Variants in ATXN1 observed in about 807,000 individuals in gnomAD.
The protein encoded by ATXN1 is ataxin 1.
A neutral mutation model predicts 56.4 loss-of-function variants in ATXN1; 8 were observed. The observed-to-expected ratio is 0.14, with a 90% CI of 0.08 to 0.26. The LOEUF is 0.26. ATXN1 is among the 10% of genes least tolerant of loss of function. The probability of loss-of-function intolerance (pLI) is 1.00; values close to 1 mark genes in which losing one functional copy is unlikely to be tolerated. For synonymous variants in ATXN1, 514 were observed against 494.6 expected, an observed-to-expected ratio of 1.04 and a Z score of -0.52; for missense variants, 987 against 1,106.5, an observed-to-expected ratio of 0.89 and a Z score of 1.53.
chr6:16,349,075 C>T (rs775328282), intron 6 of ATXN1, among the ~76,000 whole-genome samples: 46 of 152,212 alleles, frequency 3.0e-4, no homozygotes, highest in Non-Finnish European at 5.4e-4. Context: ...TGAGTTCACA[C>T]ATAAGAAGAA....
At chr6:16,719,624 G>C (rs1243217813) in intron 2 of ATXN1, among the ~76,000 whole-genome samples, 1 of 152,150 alleles carries the variant, frequency 6.6e-6, no homozygotes, top group African/African-American at 2.4e-5. Flanking sequence ...CATGACAGCT[G>C]AGATAGGCTC....
At chr6:16,314,784 T>C (rs1231637617) in intron 7 of ATXN1, among the ~76,000 whole-genome samples, 2 of 151,994 alleles carry the variant, frequency 1.3e-5, no homozygotes, top group African/African-American at 4.8e-5. Context: ...CTAATTTTTG[T>C]ATGTTTAGTA....
intron 6 of ATXN1, among the ~76,000 whole-genome samples, chr6:16,354,361 G>A (rs543341382): frequency 5.9e-5 from 9 of 151,986 alleles, no homozygotes; most frequent in African/African-American, 2.2e-4. Flanking sequence ...GGGTTCAAGC[G>A]ATTCTCCTGC....
intron 3 of ATXN1, among the ~76,000 whole-genome samples, chr6:16,641,012 G>C (rs1487781868): frequency 6.6e-6 from 1 of 152,216 alleles, no homozygotes; most frequent in East Asian, 1.9e-4. Context: ...GGTCTGAATA[G>C]AAAAGCAAAC....
chr6:16,598,127 C>T (rs1209993931), intron 3 of ATXN1, among the ~76,000 whole-genome samples: 1 of 151,952 alleles, frequency 6.6e-6, no homozygotes, highest in Non-Finnish European at 1.5e-5. Flanking sequence ...ATAATTATTG[C>T]CTATAAATAT....
At chr6:16,517,956 C>G (rs1300083916) in intron 5 of ATXN1, among the ~76,000 whole-genome samples, 1 of 152,188 alleles carries the variant, frequency 6.6e-6, no homozygotes, top group African/African-American at 2.4e-5. Context: ...TTTATTCATT[C>G]AACAAATATT....
At position 16,703,713 on chromosome 6, in the gene ATXN1, T is replaced by G. The variant is rs534100410; in HGVS notation, c.-614-45812A>C. 5.9e-5 allele frequency among the ~76,000 whole-genome samples: 9 copies of G among 152,314 alleles called. No individual in the cohort carries two copies. The South Asian group carries it at 1.7e-3, about 28-fold the overall frequency. On this transcript the variant is annotated intron_variant, in intron 2 of 7. Transcript: ENST00000436367. Reference sequence around the variant, plus strand: ...GTGAATGTACTTAATGCCACTGAAATGCATATTTAAAAATGGTTAAAGTGG... The same window carrying G: ...GTGAATGTACTTAATGCCACTGAAAGGCATATTTAAAAATGGTTAAAGTGG...
intron 6 of ATXN1, among the ~76,000 whole-genome samples, chr6:16,339,507 C>T (rs557621475): frequency 1.3e-5 from 2 of 152,294 alleles, no homozygotes; most frequent in African/African-American, 2.4e-5. Flanking sequence ...ACTGCAAAGA[C>T]CCCAAGACCT....
At chr6:16,430,559 T>C (rs926221488) in intron 6 of ATXN1, among the ~76,000 whole-genome samples, 1 of 152,224 alleles carries the variant, frequency 6.6e-6, no homozygotes, top group African/African-American at 2.4e-5. Flanking sequence ...AGATGTTCCA[T>C]GATTTTTTGC....
At chr6:16,707,668 G>A (rs146679289) in intron 2 of ATXN1, among the ~76,000 whole-genome samples, 1 of 152,338 alleles carries the variant, frequency 6.6e-6, no homozygotes, top group East Asian at 1.9e-4. Context: ...AGGAAAGAAG[G>A]TGGTTAAGTC....
intron 6 of ATXN1, among the ~76,000 whole-genome samples, chr6:16,453,161 G>A (rs1759786448): frequency 6.9e-6 from 1 of 145,200 alleles, no homozygotes; most frequent in Admixed American, 7.1e-5. Context: ...ACATAATCAT[G>A]TTACTTTTCT....
At chr6:16,352,515 G>A (rs1221327466) in intron 6 of ATXN1, among the ~76,000 whole-genome samples, 1 of 152,134 alleles carries the variant, frequency 6.6e-6, no homozygotes, top group Non-Finnish European at 1.5e-5. Context: ...AGCATCACAC[G>A]AGGCTCTGTC....
intron 4 of ATXN1, among the ~76,000 whole-genome samples, chr6:16,524,049 T>C (rs1364382653): frequency 6.6e-6 from 1 of 152,206 alleles, no homozygotes; most frequent in Admixed American, 6.5e-5. Flanking sequence ...ATTCATTCTA[T>C]GAGCTGTGGA....
chr6:16,314,812 T>C (rs1760473766), intron 7 of ATXN1, among the ~76,000 whole-genome samples: 1 of 152,114 alleles, frequency 6.6e-6, no homozygotes, highest in South Asian at 2.1e-4. Context: ...GGTTTTACCA[T>C]GTTGGCCAGG....
At chr6:16,475,374 A>G (rs2113643910) in intron 6 of ATXN1, among the ~76,000 whole-genome samples, 1 of 152,354 alleles carries the variant, frequency 6.6e-6, no homozygotes, top group East Asian at 1.9e-4. Flanking sequence ...GCAACTGCTC[A>G]CCTGTTCACT....
chr6:16,329,451 A>T (rs1760929433), intron 6 of ATXN1, among the ~76,000 whole-genome samples: 2 of 152,166 alleles, frequency 1.3e-5, no homozygotes, highest in Non-Finnish European at 2.9e-5. Flanking sequence ...GCCGCCAGAA[A>T]TAATCCTGTT....
chr6:16,367,064 C>T (rs1441480055), intron 6 of ATXN1, among the ~76,000 whole-genome samples: 1 of 152,192 alleles, frequency 6.6e-6, no homozygotes, highest in African/African-American at 2.4e-5. Flanking sequence ...CCTCCCCTGT[C>T]CTCCGACCTG....
At chr6:16,408,639 G>A (rs142346638) in intron 6 of ATXN1, among the ~76,000 whole-genome samples, 197 of 152,272 alleles carry the variant, frequency 1.3e-3, no homozygotes, top group African/African-American at 4.5e-3. Flanking sequence ...TAAGGATAAT[G>A]TGGTTAAATA....
intron 3 of ATXN1, among the ~76,000 whole-genome samples, chr6:16,593,157 G>C (rs996363235): frequency 1.3e-5 from 2 of 152,110 alleles, no homozygotes; most frequent in Non-Finnish European, 2.9e-5. Context: ...ACCCTTGGAA[G>C]ACAGAAAAGT....
Sources: allele counts gnomAD v4.1 joint callset (sites outside exome capture counted in the v4.1 genomes callset), GRCh38; gene constraint gnomAD v4.1.1; transcripts MANE v1.5; gene names NCBI Gene and HGNC (gene_info 2026-07-23, HGNC 2026-07-21).